Variants in LOC128462377 observed in about 807,000 individuals in gnomAD.
the LOC128462377 span, among the ~76,000 whole-genome samples, chr16:89,347,231 T>A: frequency 4.6e-5 from 7 of 152,166 alleles, no homozygotes; most frequent in African/African-American, 1.7e-4. Context: ...TCTCTGGCAG[T>A]GTAGCCTTGA....
chr16:89,323,239 A>G, the LOC128462377 span: 1 of 1,214,152 alleles, frequency 8.2e-7, no homozygotes, highest in Non-Finnish European at 1.1e-6. Context: ...AGAAAAAAGG[A>G]GAAAAGGAAA....
the LOC128462377 span, among the ~76,000 whole-genome samples, chr16:89,407,795 A>G: frequency 6.7e-6 from 1 of 149,110 alleles, no homozygotes; most frequent in South Asian, 2.1e-4. Flanking sequence ...GGCTGCAATG[A>G]GCCGTGATCC....
At chr16:89,408,640 A>G in the LOC128462377 span, among the ~76,000 whole-genome samples, 1 of 152,102 alleles carries the variant, frequency 6.6e-6, no homozygotes, top group Non-Finnish European at 1.5e-5. Flanking sequence ...GCCCACAGCT[A>G]CAGCAGCCCC....
chr16:89,337,105 G>A, the LOC128462377 span, among the ~76,000 whole-genome samples: 2 of 150,940 alleles, frequency 1.3e-5, no homozygotes, highest in African/African-American at 4.9e-5. Flanking sequence ...AGGATTGCTT[G>A]AACCTGGCAG....
chr16:89,352,405 G>A, the LOC128462377 span, among the ~76,000 whole-genome samples: 3 of 151,616 alleles, frequency 2.0e-5, no homozygotes, highest in Non-Finnish European at 4.4e-5. Flanking sequence ...GAAGGCCACA[G>A]TGACGCCCTC....
chr16:89,414,982 C>T, the LOC128462377 span, among the ~76,000 whole-genome samples: 1 of 152,132 alleles, frequency 6.6e-6, no homozygotes, highest in Admixed American at 6.5e-5. Context: ...TCTCACCCTG[C>T]GGCCCAGGCT....
chr16:89,371,534 C>G, the LOC128462377 span, among the ~76,000 whole-genome samples: 6 of 152,180 alleles, frequency 3.9e-5, no homozygotes, highest in Non-Finnish European at 8.8e-5. Context: ...GATGAGTTCT[C>G]TCAAGGACCA....
At chr16:89,330,272 C>G in the LOC128462377 span, among the ~76,000 whole-genome samples, 3 of 152,220 alleles carry the variant, frequency 2.0e-5, no homozygotes, top group East Asian at 5.8e-4. Flanking sequence ...CAGCCACCAC[C>G]ACACCAGGAG....
At chr16:89,351,595 G>C in the LOC128462377 span, among the ~76,000 whole-genome samples, 5 of 152,208 alleles carry the variant, frequency 3.3e-5, no homozygotes, top group African/African-American at 1.2e-4. Flanking sequence ...GCTTCTCTCT[G>C]TGTTTGGCAT....
chr16:89,377,434 C>T, the LOC128462377 span, among the ~76,000 whole-genome samples: 1 of 151,652 alleles, frequency 6.6e-6, no homozygotes, highest in Admixed American at 6.6e-5. Context: ...TTTACAACAG[C>T]CAATCAAGGA....
At chr16:89,323,689 C>A in the LOC128462377 span, 1 of 303,456 alleles carries the variant, frequency 3.3e-6, no homozygotes, top group Non-Finnish European at 6.4e-6. Context: ...GTCAGCGTCT[C>A]TGTCCAGCCT....
chr16:89,417,625 C>G, the LOC128462377 span, among the ~76,000 whole-genome samples: 14 of 152,154 alleles, frequency 9.2e-5, no homozygotes, highest in African/African-American at 3.1e-4. Context: ...GTCTCCAGCT[C>G]CTAGGAAAAG....
chr16:89,394,559 C>T, the LOC128462377 span, among the ~76,000 whole-genome samples: 2 of 151,392 alleles, frequency 1.3e-5, no homozygotes, highest in Non-Finnish European at 2.9e-5. Flanking sequence ...ACCCAGGAGG[C>T]GGAGGTTGCA....
chr16:89,395,514 G>A, the LOC128462377 span, among the ~76,000 whole-genome samples: 1 of 152,230 alleles, frequency 6.6e-6, no homozygotes, highest in African/African-American at 2.4e-5. Context: ...AGACCCACCC[G>A]AACGGGGAAC....
At chr16:89,370,095 G>C in the LOC128462377 span, among the ~76,000 whole-genome samples, 1 of 152,202 alleles carries the variant, frequency 6.6e-6, no homozygotes, top group Non-Finnish European at 1.5e-5. Context: ...CTCAGGCATG[G>C]CAGGAAGAAG....
the LOC128462377 span, among the ~76,000 whole-genome samples, chr16:89,334,153 A>AC: frequency 5.2e-5 from 7 of 134,828 alleles, no homozygotes; most frequent in Non-Finnish European, 1.1e-4. Flanking sequence ...TTAAAAAAAA[A>AC]AAAAAAAAAA....
At chr16:89,405,471 C>A in the LOC128462377 span, among the ~76,000 whole-genome samples, 2 of 150,598 alleles carry the variant, frequency 1.3e-5, no homozygotes, top group East Asian at 2.0e-4. Context: ...ACTACAGGCA[C>A]GTGCCACCAC....
At chr16:89,406,810 G>A in the LOC128462377 span, among the ~76,000 whole-genome samples, 2 of 152,328 alleles carry the variant, frequency 1.3e-5, no homozygotes, top group East Asian at 1.9e-4. Flanking sequence ...GGTGCCCTCC[G>A]GGAGGCAGCA....
the LOC128462377 span, among the ~76,000 whole-genome samples, chr16:89,387,865 C>T: frequency 0.013 from 1,973 of 151,164 alleles, 41 homozygotes; most frequent in African/African-American, 0.045. Context: ...ATTAGCCAGG[C>T]GTGGTGGTGG....
Sources: allele counts gnomAD v4.1 joint callset (sites outside exome capture counted in the v4.1 genomes callset), GRCh38; gene constraint gnomAD v4.1.1; transcripts MANE v1.5.